SUCLG2: variants seen among roughly 807,000 people sequenced by gnomAD.
SUCLG2 encodes succinate-CoA ligase GDP-forming subunit beta.
Under a neutral mutation model 47.9 loss-of-function variants are expected in SUCLG2, and 42 were observed. The ratio of observed to expected loss-of-function variants is 0.88; its 90% CI spans 0.69 to 1.14. SUCLG2 has a LOEUF of 1.14. Ranked by LOEUF, SUCLG2 falls within the 50% of genes most tolerant of loss-of-function variation. The probability of loss-of-function intolerance (pLI) is 0.00; values close to 1 mark genes in which losing one functional copy is unlikely to be tolerated. For synonymous variants in SUCLG2, 195 were observed against 197.3 expected (o/e 0.99, Z 0.10); for missense variants, 571 against 525.9 (o/e 1.09, Z -0.84).
intron 2 of SUCLG2, among the ~76,000 whole-genome samples, chr3:67,585,082 A>C (rs6794298): frequency 0.68 from 103,463 of 152,180 alleles, 37,948 homozygotes; most frequent in Non-Finnish European, 0.82. Context: ...TAACTTAATT[A>C]GCTTGTCAGA....
chr3:67,483,431 C>G (rs1704970555), intron 9 of SUCLG2, among the ~76,000 whole-genome samples: 1 of 152,186 alleles, frequency 6.6e-6, no homozygotes, highest in Non-Finnish European at 1.5e-5. Flanking sequence ...TCAGAGAGGT[C>G]TGCTTGGACA....
At chr3:67,570,116 G>A (rs1184401321) in intron 2 of SUCLG2, among the ~76,000 whole-genome samples, 1 of 152,216 alleles carries the variant, frequency 6.6e-6, no homozygotes, top group Non-Finnish European at 1.5e-5. Flanking sequence ...AAGGCCGTAA[G>A]AGGACACAGC....
chr3:67,384,804 C>T (rs1702226805), intron 10 of SUCLG2, among the ~76,000 whole-genome samples: 1 of 152,218 alleles, frequency 6.6e-6, no homozygotes, highest in Non-Finnish European at 1.5e-5. Context: ...TCTTTTTCCA[C>T]TGAGCTGGGA....
rs568332801 is a variant in SUCLG2 at position 67,578,281 on chromosome 3, T to A, written c.226+31174A>T. The stretch of plus-strand genomic sequence containing the variant: ...AAAAAATTTTATATATATAAAATTT[T>A]ATATATATAAAATCATATATATACA... On this transcript the variant is annotated intron_variant, in intron 2 of 10. Transcript: ENST00000307227. Among the ~76,000 whole-genome samples the A allele has an allele frequency of 1.8e-4, 26 of 147,068 alleles. No homozygotes were observed. The South Asian group carries it at 5.2e-3, about 30-fold the overall frequency.
chr3:67,508,883 C>T lies in SUCLG2; in HGVS notation c.681G>A (p.Lys227=), dbSNP rs1400910986. The change falls in exon 7 of 11, where the codon AAG becomes AAA. Residue 227 remains lysine, a synonymous_variant. Transcript: ENST00000307227. ...LKSQAADQIT[K]LYNLFLKIDA... is the part of the protein sequence containing the mutation. ...CAATTTTCAGGAAGAGATTATACAG[C>T]TTCGTAATTTGATCTGCAGCCTAAA... The T allele has an allele frequency of 6.2e-7, 1 of 1,609,980 alleles. No individual in the cohort carries two copies. The highest frequency in any genetic ancestry group is 1.3e-5 in the African/African-American group (1 of 74,624).
intron 2 of SUCLG2, among the ~76,000 whole-genome samples, chr3:67,583,111 C>T (rs1707924403): frequency 6.6e-6 from 1 of 152,162 alleles, no homozygotes; most frequent in African/African-American, 2.4e-5. Flanking sequence ...ATGCCTCAGC[C>T]TCCCACTGAG....
intron 2 of SUCLG2, among the ~76,000 whole-genome samples, chr3:67,549,080 T>C (rs1398464809): frequency 6.6e-6 from 1 of 152,196 alleles, no homozygotes; most frequent in African/African-American, 2.4e-5. Context: ...AGTAATGATG[T>C]TGTGTAAGCT....
intron 2 of SUCLG2, among the ~76,000 whole-genome samples, chr3:67,604,751 T>C (rs1288490520): frequency 3.9e-5 from 6 of 152,178 alleles, no homozygotes; most frequent in Non-Finnish European, 8.8e-5. Flanking sequence ...CAACTAGGAA[T>C]GCAGCTTCAG....
At chr3:67,442,722 G>A (rs1204698507) in intron 9 of SUCLG2, among the ~76,000 whole-genome samples, 1 of 152,176 alleles carries the variant, frequency 6.6e-6, no homozygotes, top group East Asian at 1.9e-4. Context: ...TGAACTGAAT[G>A]CATTTTTTAA....
intron 2 of SUCLG2, among the ~76,000 whole-genome samples, chr3:67,543,509 G>C (rs566041604): frequency 6.6e-6 from 1 of 152,098 alleles, no homozygotes; most frequent in Non-Finnish European, 1.5e-5. Context: ...TCTACAAAAA[G>C]TACAAAAATT....
intron 9 of SUCLG2, among the ~76,000 whole-genome samples, chr3:67,453,576 G>A (rs1704108107): frequency 6.6e-6 from 1 of 152,148 alleles, no homozygotes; most frequent in Admixed American, 6.5e-5. Flanking sequence ...TTCAACTTAC[G>A]AATGGTGGGG....
chr3:67,463,514 C>T (rs955542198), intron 9 of SUCLG2, among the ~76,000 whole-genome samples: 34 of 152,174 alleles, frequency 2.2e-4, no homozygotes, highest in Non-Finnish European at 1.5e-5. Flanking sequence ...TGTAGAATAA[C>T]AGAAACATTT....
chr3:67,638,908 C>T (rs2107365167), intron 1 of SUCLG2, among the ~76,000 whole-genome samples: 1 of 152,260 alleles, frequency 6.6e-6, no homozygotes, highest in Admixed American at 6.5e-5. Flanking sequence ...GCAGTGATAA[C>T]CTAGAGGAAG....
intron 9 of SUCLG2, among the ~76,000 whole-genome samples, chr3:67,461,599 C>G (rs1704337203): frequency 6.6e-6 from 1 of 151,668 alleles, no homozygotes; most frequent in South Asian, 2.1e-4. Flanking sequence ...TAGGGGTCCC[C>G]AACCTGGAAA....
intron 9 of SUCLG2, among the ~76,000 whole-genome samples, chr3:67,486,360 A>G (rs969616759): frequency 1.3e-5 from 2 of 152,226 alleles, no homozygotes; most frequent in Non-Finnish European, 2.9e-5. Flanking sequence ...AAAGCTGCTC[A>G]TAATTATCCA....
At chr3:67,503,966 T>A (rs1705570767) in intron 7 of SUCLG2, among the ~76,000 whole-genome samples, 1 of 152,106 alleles carries the variant, frequency 6.6e-6, no homozygotes, top group African/African-American at 2.4e-5. Context: ...AAAAGAAGAA[T>A]ACATTTCAGA....
At chr3:67,572,295 C>G (rs192366844) in intron 2 of SUCLG2, among the ~76,000 whole-genome samples, 8 of 152,274 alleles carry the variant, frequency 5.3e-5, no homozygotes, top group Admixed American at 5.2e-4. Context: ...ACCTAGCACA[C>G]TGTATATGTT....
chr3:67,511,290 T>C (rs1240806150), intron 6 of SUCLG2, among the ~76,000 whole-genome samples: 4 of 152,182 alleles, frequency 2.6e-5, no homozygotes, highest in African/African-American at 9.7e-5. Flanking sequence ...ATTTGTATCT[T>C]TGTCAGTGTG....
intron 2 of SUCLG2, among the ~76,000 whole-genome samples, chr3:67,550,967 TG>T (rs1315200703): frequency 6.6e-6 from 1 of 152,240 alleles, no homozygotes; most frequent in African/African-American, 2.4e-5. Flanking sequence ...TGGTGTATAC[TG>T]GCTTATACTT....
Sources: allele counts gnomAD v4.1 joint callset (sites outside exome capture counted in the v4.1 genomes callset), GRCh38; gene constraint gnomAD v4.1.1; transcripts MANE v1.5; gene names NCBI Gene and HGNC (gene_info 2026-07-23, HGNC 2026-07-21).